Variants in KNTC1 observed in about 807,000 individuals in gnomAD.
KNTC1 encodes the protein kinetochore associated 1.
Under a neutral mutation model 314.4 loss-of-function variants are expected in KNTC1, and 253 were observed. That is an observed-to-expected ratio of 0.80 (90% CI 0.73 to 0.89). The LOEUF is 0.89. Among genes scored for constraint, KNTC1 ranks in the 40% least tolerant of loss-of-function variants. The pLI is 0.00. For synonymous variants in KNTC1, 901 were observed against 901.4 expected (o/e 1.00, Z 0.01); for missense variants, 2,475 against 2,572.9 (o/e 0.96, Z 0.82).
intron 2 of KNTC1, among the ~76,000 whole-genome samples, chr12:122,532,933 G>C (rs1289712123): frequency 6.6e-6 from 1 of 152,172 alleles, no homozygotes; most frequent in Non-Finnish European, 1.5e-5. Flanking sequence ...CTATGTGTGA[G>C]CCCGGTGTGG....
chr12:122,622,066 C>CA, intron 61 of KNTC1, 96 bp downstream of exon 61: 3 of 848,576 alleles, frequency 3.5e-6, no homozygotes, highest in Non-Finnish European at 5.7e-6. Context: ...ACTGCTATGT[C>CA]TAGCTGTTTG....
chr12:122,598,261 T>C (rs1871331072), intron 44 of KNTC1, among the ~76,000 whole-genome samples: 1 of 152,172 alleles, frequency 6.6e-6, no homozygotes, highest in South Asian at 2.1e-4. Flanking sequence ...TAGTGTGGTG[T>C]AGTAACTATC....
At chr12:122,555,264 T>A (rs1482319243) in intron 16 of KNTC1, among the ~76,000 whole-genome samples, 1 of 152,188 alleles carries the variant, frequency 6.6e-6, no homozygotes, top group Non-Finnish European at 1.5e-5. Context: ...AATAATCATA[T>A]ATACTTGGCC....
intron 3 of KNTC1, among the ~76,000 whole-genome samples, chr12:122,535,738 C>G (rs1047213442): frequency 2.6e-5 from 4 of 151,694 alleles, no homozygotes; most frequent in African/African-American, 9.7e-5. Context: ...ATCGCTTGAT[C>G]CCAGGAGGCA....
Position 122,604,590 on chromosome 12 carries a change from T to G in KNTC1, c.5128T>G (p.Phe1710Val). The change falls in exon 49 of 64, where the codon TTC becomes GTC. Residue 1710 changes from phenylalanine to valine, a missense_variant. Physicochemically the swap from Phe to Val is conservative, Grantham distance 50. Transcript: ENST00000333479. ...EGSFKISALK[F>V]CLYLAERWLQ... ...TTCCTTCAAGATATCTGCTTTGAAA[T>G]TCTGCCTTTATTTAGCTGAGAGATG... The G allele has an allele frequency of 6.3e-7, 1 of 1,580,974 alleles. No homozygotes were observed. Among genetic ancestry groups the G allele is most frequent in the East Asian group, 2.2e-5 (1 of 44,680 alleles).
chr12:122,622,580 T>G lies in KNTC1; in HGVS notation c.6488T>G (p.Leu2163Arg). The G allele has an allele frequency of 1.3e-6, 2 of 1,552,928 alleles. No homozygotes were observed. The highest frequency in any genetic ancestry group is 2.4e-5 in the East Asian group (1 of 42,414). Residue 2163 changes from leucine to arginine, a missense_variant, in exon 62 of 64, where the codon CTA (leucine) becomes CGA (arginine). Coordinates refer to ENST00000333479, the MANE Select transcript of KNTC1 (RefSeq NM_014708.6). ...HAMNTNNITE[L>R]VNYLANDLSL... is the part of the protein sequence containing the mutation. ...ATGAATACCAACAATATCACTGAGC[T>G]AGTGAACTATTTGGCAAATGACTTA...
chr12:122,577,719 T>C lies in KNTC1; in HGVS notation c.2769T>C (p.Ala923=), dbSNP rs761383924. 2 of 1,613,748 alleles carry C rather than the reference T, an allele frequency of 1.2e-6. No homozygotes were observed. The highest frequency in any genetic ancestry group is 2.2e-5 in the South Asian group (2 of 91,066). The change falls in exon 31 of 64, where the codon GCT becomes GCC. Residue 923 remains alanine, a synonymous_variant. Transcript: ENST00000333479. ...TGAAGTCTTTGCCTCCTGCTGAAGC[T>C]GAGAAAACTGCAGAAAGAGTCATCA... ...LLLKSLPPAE[A]EKTAERVIIW...
intron 13 of KNTC1, 60 bp downstream of exon 13, chr12:122,549,924 A>C (rs1349998175): frequency 1.1e-6 from 1 of 887,208 alleles, no homozygotes; most frequent in African/African-American, 1.7e-5. Flanking sequence ...TCTGGTATCT[A>C]ATCAGGGATG....
chr12:122,546,745 G>A (rs113172243), intron 10 of KNTC1, 71 bp downstream of exon 10: 13 of 1,032,576 alleles, frequency 1.3e-5, no homozygotes, highest in African/African-American at 1.1e-4. Flanking sequence ...GACTTACAAA[G>A]GCAAGGGTTT....
At chr12:122,624,830 G>T (rs1040715432) in intron 63 of KNTC1, 142 bp downstream of exon 63, 8 of 692,036 alleles carry the variant, frequency 1.2e-5, no homozygotes, top group African/African-American at 1.8e-5. Flanking sequence ...TACTTTTTGT[G>T]TTAGAGAGTT....
At chr12:122,552,053 A>C (rs930007975) in intron 16 of KNTC1, among the ~76,000 whole-genome samples, 2 of 152,122 alleles carry the variant, frequency 1.3e-5, no homozygotes, top group Non-Finnish European at 2.9e-5. Context: ...GATTATAGGC[A>C]TGCATCACCA....
At chr12:122,589,383 TTAA>T (rs1359439652) in intron 40 of KNTC1, among the ~76,000 whole-genome samples, 13 of 152,098 alleles carry the variant, frequency 8.5e-5, no homozygotes, top group Non-Finnish European at 2.9e-5. Context: ...TTAGAAATAT[TTAA>T]TGTTTCATCA....
Position 122,543,637 on chromosome 12 carries a change from A to G in KNTC1, c.558+3A>G, listed in dbSNP as rs1962522780. 1 of 1,540,410 alleles carries G rather than the reference A, an allele frequency of 6.5e-7. No homozygotes were observed. On this transcript the variant is annotated splice_donor_region_variant and intron_variant, in intron 7 of 63. Transcript: ENST00000333479. Reference sequence around the variant, plus strand: ...TAGACTTCAGTACAGCAAAAAAGGTAAGAAAATAAATCCATATTGTCCTCT... The same window carrying G: ...TAGACTTCAGTACAGCAAAAAAGGTGAGAAAATAAATCCATATTGTCCTCT...
intron 59 of KNTC1, 108 bp downstream of exon 59, chr12:122,618,653 C>A (rs140117577): frequency 1.2e-6 from 1 of 842,780 alleles, no homozygotes; most frequent in Non-Finnish European, 1.9e-6. Context: ...GGAAGTTAAG[C>A]ATAACACGTG....
At chr12:122,618,920 C>A (rs1482706855) in intron 59 of KNTC1, among the ~76,000 whole-genome samples, 1 of 151,676 alleles carries the variant, frequency 6.6e-6, no homozygotes, top group East Asian at 2.0e-4. Context: ...GGATTACAGG[C>A]ATACGCCACG....
At chr12:122,566,308 C>T (rs1463530352) in intron 20 of KNTC1, among the ~76,000 whole-genome samples, 2 of 151,090 alleles carry the variant, frequency 1.3e-5, no homozygotes, top group African/African-American at 4.9e-5. Flanking sequence ...AGTGCGGTGG[C>T]TCGATCTTGA....
rs1317617360 is a variant in KNTC1, at chr12:122,591,396, T to C, written c.4188T>C (p.Leu1396=). Residue 1396 remains leucine (L), a synonymous_variant, in exon 42 of 64, where the codon CTT becomes CTC. Transcript: ENST00000333479. ...TCTATCAGGAAATAGAAATGGGGCT[T>C]AAGTTCCGTGAACTCAGTACTGATG... ...ASLYQEIEMG[L]KFRELSTDAQ... is the part of the protein sequence containing the mutation. 6.2e-7 allele frequency: 1 copy of C among 1,612,618 alleles called. No homozygotes were observed. Among genetic ancestry groups the C allele is most frequent in the East Asian group, 2.2e-5 (1 of 44,854 alleles).
At chr12:122,621,443 G>A (rs1036207755) in intron 60 of KNTC1, among the ~76,000 whole-genome samples, 6 of 152,120 alleles carry the variant, frequency 3.9e-5, no homozygotes, top group Middle Eastern at 3.4e-3. Context: ...CCTCCCTCCC[G>A]GGTTCAAGTG....
In KNTC1 at chr12:122,618,410, C is replaced by T. The variant is rs1371374923; in HGVS notation, c.6085+13C>T. 1.9e-6 allele frequency: 3 copies of T among 1,613,516 alleles called. No homozygotes were observed. In the African/African-American group the frequency reaches 4.0e-5, roughly 22 times the overall value. ...CCACTGCTTTCAGGTATTTCGCTCTCTGAAACATTGGCTACAGCATTTTAT... is the reference window on the plus strand; with the variant it reads ...CCACTGCTTTCAGGTATTTCGCTCTTTGAAACATTGGCTACAGCATTTTAT... On this transcript the variant is annotated intron_variant, in intron 58 of 63. Transcript: ENST00000333479.
Sources: gnomAD v4.1 joint callset for allele counts (sites outside exome capture counted in the v4.1 genomes callset) on GRCh38, gnomAD v4.1.1 for gene constraint, MANE v1.5 for transcripts, NCBI Gene and HGNC (gene_info 2026-07-23, HGNC 2026-07-21) for gene names.